Variants in ADAMTS3 observed in about 807,000 individuals in gnomAD.
ADAMTS3 encodes A disintegrin and metalloproteinase with thrombospondin motifs 3.
A neutral mutation model predicts 129.0 loss-of-function variants in ADAMTS3; 73 were observed. The ratio of observed to expected loss-of-function variants is 0.57; its 90% CI spans 0.47 to 0.69. ADAMTS3 has a LOEUF of 0.69. Ranked by LOEUF, ADAMTS3 falls within the 30% of genes least tolerant of loss-of-function variation. ADAMTS3 has a pLI of 0.00. For missense variants in ADAMTS3, 1,457 were observed against 1,514.5 expected (o/e 0.96, Z 0.63); for synonymous variants, 477 against 510.8 (o/e 0.93, Z 0.89).
chr4:72,490,841 T>C (rs10010246), intron 3 of ADAMTS3, among the ~76,000 whole-genome samples: 1 of 151,908 alleles, frequency 6.6e-6, no homozygotes, highest in African/African-American at 2.4e-5. Context: ...ACAGGAATTA[T>C]AGGATTGTTT....
At chr4:72,358,341 T>C (rs1031235423) in intron 4 of ADAMTS3, among the ~76,000 whole-genome samples, 1 of 152,038 alleles carries the variant, frequency 6.6e-6, no homozygotes, top group African/African-American at 2.4e-5. Context: ...CTTTTGTGCA[T>C]ATAAGAACCA....
At chr4:72,471,698 A>T (rs1313177127) in intron 3 of ADAMTS3, among the ~76,000 whole-genome samples, 1 of 152,010 alleles carries the variant, frequency 6.6e-6, no homozygotes, top group East Asian at 1.9e-4. Flanking sequence ...TTCCTCTTGA[A>T]TTTTTTTGTT....
intron 3 of ADAMTS3, among the ~76,000 whole-genome samples, chr4:72,499,963 T>C (rs745821410): frequency 5.3e-5 from 8 of 152,198 alleles, no homozygotes; most frequent in Non-Finnish European, 8.8e-5. Context: ...ATTTCATTCC[T>C]TTTTATTGCT....
intron 19 of ADAMTS3, among the ~76,000 whole-genome samples, chr4:72,292,535 C>T (rs1718700909): frequency 1.3e-5 from 2 of 152,112 alleles, no homozygotes; most frequent in South Asian, 4.1e-4. Flanking sequence ...AAATATTAAC[C>T]AGGGGACATT....
chr4:72,295,795 G>A lies in ADAMTS3; in HGVS notation c.2591-9C>T. Reference sequence around the variant, plus strand: ...TTTAGTGTACTGGAAACCTGGAAAAGGAAATAAAGTTCTTTGGATTTAATC... The same window carrying A: ...TTTAGTGTACTGGAAACCTGGAAAAAGAAATAAAGTTCTTTGGATTTAATC... On this transcript the variant is annotated splice_polypyrimidine_tract_variant and intron_variant, in intron 18 of 21. Coordinates refer to ENST00000286657, the MANE Select transcript of ADAMTS3 (RefSeq NM_014243.3). The A allele has an allele frequency of 6.2e-7, 1 of 1,608,360 alleles. No individual in the cohort carries two copies. The highest frequency in any genetic ancestry group is 1.7e-5 in the Admixed American group (1 of 58,652).
At chr4:72,531,620 C>T (rs1458681855) in intron 3 of ADAMTS3, among the ~76,000 whole-genome samples, 1 of 152,150 alleles carries the variant, frequency 6.6e-6, no homozygotes, top group African/African-American at 2.4e-5. Context: ...TGTTGAAGCG[C>T]AGGACAACTG....
chr4:72,283,618 A>C lies in ADAMTS3; in HGVS notation c.3136T>G (p.Cys1046Gly). 1 of 1,614,048 alleles carries C rather than the reference A, an allele frequency of 6.2e-7. No individual in the cohort carries two copies. The highest frequency in any genetic ancestry group is 8.5e-7 in the Non-Finnish European group (1 of 1,179,956). Residue 1046 changes from cysteine (C) to glycine (G), a missense_variant, in exon 22 of 22, where the codon TGT becomes GGT. Coordinates refer to ENST00000286657, the MANE Select transcript of ADAMTS3 (RefSeq NM_014243.3). ...CTGCGCTTGCTGCAGGACTCACAAC[A>C]TAACTTGTTATAACCTGGTATGGAG... ...YCSIPGYNKL[C>G]CESCSKRSST...
At chr4:72,549,008 GA>G (rs1359810814) in intron 2 of ADAMTS3, 124 bp from the exon 3 acceptor site, 7 of 795,360 alleles carry the variant, frequency 8.8e-6, no homozygotes, top group Non-Finnish European at 1.3e-5. Context: ...AGACATTCCT[GA>G]ATCAGCTCAT....
At chr4:72,549,985 AGAAGAAGAGGAAGAGG>A in intron 2 of ADAMTS3, among the ~76,000 whole-genome samples, 1 of 30,652 alleles carries the variant, frequency 3.3e-5, no homozygotes, top group Non-Finnish European at 6.2e-5. Context: ...AAGAAGAAGA[AGAAGAAGAGGAAGAGG>A]AAGAAGAAGA....
chr4:72,333,848 C>CT (rs6148516), intron 5 of ADAMTS3, among the ~76,000 whole-genome samples: 32 of 99,472 alleles, frequency 3.2e-4, no homozygotes, highest in African/African-American at 1.1e-3. Flanking sequence ...TGTTTGCTTG[C>CT]TTTTTTTTTT....
chr4:72,476,433 T>A (rs568884795), intron 3 of ADAMTS3, among the ~76,000 whole-genome samples: 1 of 152,182 alleles, frequency 6.6e-6, no homozygotes, highest in South Asian at 2.1e-4. Flanking sequence ...AATAGATAAT[T>A]TAAACATCCT....
chr4:72,424,141 C>T (rs1174547824), intron 3 of ADAMTS3, among the ~76,000 whole-genome samples: 1 of 152,086 alleles, frequency 6.6e-6, no homozygotes, highest in Non-Finnish European at 1.5e-5. Flanking sequence ...TTGAGTTTAG[C>T]TGGCATTTCA....
chr4:72,550,253 T>C (rs1354659182), intron 2 of ADAMTS3, among the ~76,000 whole-genome samples: 2 of 151,962 alleles, frequency 1.3e-5, no homozygotes, highest in Non-Finnish European at 2.9e-5. Context: ...CCTATGGAGA[T>C]CACGAGTTTT....
intron 4 of ADAMTS3, among the ~76,000 whole-genome samples, chr4:72,403,715 T>G (rs1721981650): frequency 6.6e-6 from 1 of 151,684 alleles, no homozygotes; most frequent in South Asian, 2.1e-4. Flanking sequence ...TCATCCCAAC[T>G]TAGAGATAAA....
At position 72,312,115 on chromosome 4, in the gene ADAMTS3, T is replaced by C. The variant is rs1719251004; in HGVS notation, c.1921+176A>G. ...GGAACTATTGCACCATTCTTACCTC[T>C]TTAGAGAAAGGGTATTTAAGCCTTA... On this transcript the variant is annotated intron_variant, in intron 13 of 21. Coordinates refer to ENST00000286657, the MANE Select transcript of ADAMTS3 (RefSeq NM_014243.3). 5 of 623,406 alleles carry C rather than the reference T, an allele frequency of 8.0e-6. No homozygotes were observed. In the Admixed American group the frequency reaches 8.8e-5, roughly 11 times the overall value. The allele number at this position is 623,406 out of a possible 1,614,324, so 38.6% of individuals were successfully genotyped here.
At chr4:72,519,839 A>G (rs553729549) in intron 3 of ADAMTS3, among the ~76,000 whole-genome samples, 1 of 152,290 alleles carries the variant, frequency 6.6e-6, no homozygotes, top group African/African-American at 2.4e-5. Flanking sequence ...CTCTCAACTC[A>G]TCAAAGTCAT....
intron 7 of ADAMTS3, 115 bp from the exon 8 acceptor site, chr4:72,320,078 G>T: frequency 1.3e-6 from 1 of 763,058 alleles, no homozygotes; most frequent in Non-Finnish European, 2.2e-6. Context: ...AACAGGGGTA[G>T]CATTATTTCC....
chr4:72,335,350 C>T lies in ADAMTS3; in HGVS notation c.861+4144G>A, dbSNP rs577420738. On this transcript the variant is annotated intron_variant, in intron 5 of 21. Transcript: ENST00000286657. ...CATTCATACGCACAGTCATTACTAT[C>T]GTTAGGAAATACGGCCCTGAAATAG... 5.3e-5 allele frequency among the ~76,000 whole-genome samples: 8 copies of T among 152,176 alleles called. No homozygotes were observed. The South Asian group carries it at 1.7e-3, about 32-fold the overall frequency.
chr4:72,475,364 A>G (rs1719201226), intron 3 of ADAMTS3, among the ~76,000 whole-genome samples: 1 of 151,980 alleles, frequency 6.6e-6, no homozygotes, highest in Non-Finnish European at 1.5e-5. Flanking sequence ...TGGCTATACT[A>G]ATGTTAGATA....
Sources: gnomAD v4.1 joint callset for allele counts (sites outside exome capture counted in the v4.1 genomes callset) on GRCh38, gnomAD v4.1.1 for gene constraint, MANE v1.5 for transcripts, NCBI Gene and HGNC (gene_info 2026-07-23, HGNC 2026-07-21) for gene names.